Variants in DNM1 observed in about 807,000 individuals in gnomAD.
DNM1 encodes the protein dynamin 1, also known as dynamin-1.
Under a neutral mutation model 104.6 loss-of-function variants are expected in DNM1, and 29 were observed. That is an observed-to-expected ratio of 0.28 (90% confidence interval 0.21 to 0.38). DNM1 has a LOEUF of 0.38. Among genes scored for constraint, DNM1 ranks in the 10% least tolerant of loss-of-function variants. DNM1 has a pLI of 1.00. For missense variants in DNM1, 640 were observed against 1,189.4 expected, an observed-to-expected ratio of 0.54 and a Z score of 6.79; for synonymous variants, 445 against 475.8, an observed-to-expected ratio of 0.94 and a Z score of 0.84.
At chr9:128,215,635 C>A (rs1178218609) in intron 1 of DNM1, among the ~76,000 whole-genome samples, 3 of 152,218 alleles carry the variant, frequency 2.0e-5, no homozygotes, top group Non-Finnish European at 4.4e-5. Context: ...GCCAGCTGGG[C>A]CCTGGGCTCC....
At chr9:128,215,187 G>C (rs1472699494) in intron 1 of DNM1, among the ~76,000 whole-genome samples, 2 of 152,238 alleles carry the variant, frequency 1.3e-5, no homozygotes, top group Non-Finnish European at 2.9e-5. Flanking sequence ...CTGGCACCAG[G>C]CACCAGGCCA....
intron 10 of DNM1, among the ~76,000 whole-genome samples, chr9:128,225,459 G>A (rs74557328): frequency 9.7e-4 from 148 of 152,338 alleles, no homozygotes; most frequent in Non-Finnish European, 1.8e-3. Context: ...CCCCCCTGGA[G>A]TTGTGCAGTG....
chr9:128,208,597 C>G (rs1834108100), intron 1 of DNM1, among the ~76,000 whole-genome samples: 1 of 152,154 alleles, frequency 6.6e-6, no homozygotes, highest in Non-Finnish European at 1.5e-5. Flanking sequence ...TATCGATGAC[C>G]TGGATGGGGC....
At position 128,220,742 on chromosome 9, in the gene DNM1, C is replaced by CGCGCGCGCGCGTGTGTGT. The variant is rs61020870; in HGVS notation, c.849+402_849+403insCGCGCGCGCGTGTGTGTG. ...CAGAACTGAAGTGCGCGCGCGCGCGCGTGTGTGTGTGTGTGTGTGTGTGTG... is the reference window on the plus strand; with the variant it reads ...CAGAACTGAAGTGCGCGCGCGCGCGCGCGCGCGCGCGTGTGTGTGTGTGTGTGTGTGTGTGTGTGTGTG... On this transcript the variant is annotated intron_variant, in intron 6 of 21. Transcript: ENST00000372923. The surrounding 1 kb of genome is among the most constrained non-coding windows in gnomAD (Gnocchi z 5.2). 5.9e-5 allele frequency among the ~76,000 whole-genome samples: 8 copies of CGCGCGCGCGCGTGTGTGT among 136,276 alleles called. No individual in the cohort carries two copies. The highest frequency in any genetic ancestry group is 2.1e-4 in the African/African-American group (8 of 37,718). The allele number at this position is 136,276 out of a possible 152,430, so 89.4% of individuals were successfully genotyped here.
At position 128,203,924 on chromosome 9, in the gene DNM1, A is replaced by C; in HGVS notation, c.161+293A>C. On this transcript the variant is annotated intron_variant, in intron 1 of 21. Coordinates refer to ENST00000372923, the MANE Select transcript of DNM1 (RefSeq NM_004408.4). The surrounding 1 kb of genome is among the most constrained non-coding windows in gnomAD (Gnocchi z 5.3). Reference sequence around the variant, plus strand: ...AACGCTCTGCCAGAAGCCCCGGGCAAAGAGCTGCCCCCCGCCCCCAACATG... The same window carrying C: ...AACGCTCTGCCAGAAGCCCCGGGCACAGAGCTGCCCCCCGCCCCCAACATG... The C allele has an allele frequency of 5.1e-6, 1 of 196,870 alleles. No homozygotes were observed. The highest frequency in any genetic ancestry group is 1.0e-5 in the Non-Finnish European group (1 of 97,908). 12.2% of individuals were successfully genotyped at this position (196,870 alleles called of 1,614,324 possible).
chr9:128,241,249 G>A (rs1016995489), intron 14 of DNM1, among the ~76,000 whole-genome samples: 11 of 152,126 alleles, frequency 7.2e-5, no homozygotes, highest in Non-Finnish European at 1.6e-4. Context: ...GGAGGTCAGC[G>A]TCCAGGAGGG....
chr9:128,225,944 CT>C, intron 10 of DNM1: 1 of 1,235,644 alleles, frequency 8.1e-7, no homozygotes, highest in Non-Finnish European at 1.2e-6. Flanking sequence ...CTCTCCACCC[CT>C]GGATTCCTGT....
At chr9:128,244,963 C>T (rs894750031) in intron 15 of DNM1, 1 of 304,744 alleles carries the variant, frequency 3.3e-6, no homozygotes, top group Non-Finnish European at 7.0e-6. Flanking sequence ...CTCTCTGCTC[C>T]CAACTCCCCT....
rs537613181 is a variant in DNM1 at position 128,248,104 on chromosome 9, G to A, written c.1905+169G>A. The A allele has an allele frequency of 4.2e-5, 36 of 852,786 alleles. No homozygotes were observed. Among genetic ancestry groups the A allele is most frequent in the African/African-American group, 5.0e-5 (3 of 60,100 alleles). The allele number at this position is 852,786 out of a possible 1,614,324, so 52.8% of individuals were successfully genotyped here. A position where few individuals can be genotyped will look rare whatever the true frequency, so the allele number is the denominator to read the frequency against. On this transcript the variant is annotated intron_variant, in intron 18 of 21. Coordinates refer to ENST00000372923, the MANE Select transcript of DNM1 (RefSeq NM_004408.4). The surrounding 1 kb of genome is among the most constrained non-coding windows in gnomAD (Gnocchi z 5.6). Reference sequence around the variant, plus strand: ...AACACTTTGGGAGGCCGAGGTGGGCGGATCACAAGGTCAGGAGTTCGAGAC... The same window carrying A: ...AACACTTTGGGAGGCCGAGGTGGGCAGATCACAAGGTCAGGAGTTCGAGAC...
At chr9:128,233,221 A>G (rs1000641942) in intron 10 of DNM1, among the ~76,000 whole-genome samples, 4 of 152,040 alleles carry the variant, frequency 2.6e-5, no homozygotes, top group African/African-American at 9.7e-5. Flanking sequence ...ACCCCAAAGG[A>G]GTGGGGTCGA....
chr9:128,232,222 G>A (rs562458943), intron 10 of DNM1: 30 of 368,900 alleles, frequency 8.1e-5, no homozygotes, highest in Middle Eastern at 6.6e-4. Flanking sequence ...GGGAGCACTT[G>A]GGACCACCTC....
At chr9:128,246,317 C>T in intron 15 of DNM1, 77 bp from the exon 16 acceptor site, 1 of 1,018,296 alleles carries the variant, frequency 9.8e-7, no homozygotes, top group Non-Finnish European at 1.6e-6. Context: ...CTGGGCCAGT[C>T]AGGGGGACTC....
chr9:128,229,602 A>AAT lies in DNM1; in HGVS notation c.1336-4418_1336-4417insTA, dbSNP rs1391839314. On this transcript the variant is annotated intron_variant, in intron 10 of 21. Transcript: ENST00000372923. ...TGGAAGACAGAGCAAAACCTTATCA[A>AAT]AAAAAAAAAAAAAAAAAAAAAGCTT... Among the ~76,000 whole-genome samples, 93 of 48,312 alleles carry AAT rather than the reference A, an allele frequency of 1.9e-3. 1 individual carries two copies. The highest frequency in any genetic ancestry group is 4.4e-3 in the African/African-American group (93 of 21,156). The allele number at this position is 48,312 out of a possible 152,430, so 31.7% of individuals were successfully genotyped here. A position where few individuals can be genotyped will look rare whatever the true frequency, so the allele number is the denominator to read the frequency against.
chr9:128,209,215 G>A (rs1834149126), intron 1 of DNM1, among the ~76,000 whole-genome samples: 1 of 152,190 alleles, frequency 6.6e-6, no homozygotes, highest in Non-Finnish European at 1.5e-5. Flanking sequence ...ACATGGAAAT[G>A]CACCCATCCA....
At chr9:128,214,198 G>A (rs1384215550) in intron 1 of DNM1, among the ~76,000 whole-genome samples, 1 of 152,196 alleles carries the variant, frequency 6.6e-6, no homozygotes, top group Non-Finnish European at 1.5e-5. Flanking sequence ...GGCTGTGGGA[G>A]TCCAGCCTGT....
intron 21 of DNM1, chr9:128,252,704 T>C (rs1319715728): frequency 1.4e-5 from 7 of 487,486 alleles, no homozygotes; most frequent in Admixed American, 1.2e-4. Flanking sequence ...AGCTGGACTT[T>C]AGCGAGCAAG....
chr9:128,247,059 A>C lies in DNM1; in HGVS notation c.1782-316A>C. The C allele has an allele frequency of 3.8e-6, 1 of 260,474 alleles. No individual in the cohort carries two copies. The highest frequency in any genetic ancestry group is 7.5e-6 in the Non-Finnish European group (1 of 134,052). The allele number at this position is 260,474 out of a possible 1,614,324, so 16.1% of individuals were successfully genotyped here. A position where few individuals can be genotyped will look rare whatever the true frequency, so the allele number is the denominator to read the frequency against. ...GAGGGGTCCTTAGAGAGCCACGGAGAAAGCTGGTGGGATCTGGGCCCCAAG... is the reference window on the plus strand; with the variant it reads ...GAGGGGTCCTTAGAGAGCCACGGAGCAAGCTGGTGGGATCTGGGCCCCAAG... On this transcript the variant is annotated intron_variant, in intron 16 of 21. Coordinates refer to ENST00000372923, the MANE Select transcript of DNM1 (RefSeq NM_004408.4). This position sits in a 1 kb window ranked among gnomAD's most constrained non-coding sequence, Gnocchi z 5.1.
chr9:128,238,444 G>T (rs1287877245), intron 11 of DNM1, among the ~76,000 whole-genome samples: 1 of 151,698 alleles, frequency 6.6e-6, no homozygotes, highest in Non-Finnish European at 1.5e-5. Context: ...GGCTGGTCTC[G>T]AACTCCTGAC....
rs1834903884 is a variant in DNM1 at position 128,220,740 on chromosome 9, C to CATGT, written c.849+399_849+400insATGT. On this transcript the variant is annotated intron_variant, in intron 6 of 21. Transcript: ENST00000372923. The surrounding 1 kb of genome is among the most constrained non-coding windows in gnomAD (Gnocchi z 5.2). Reference sequence around the variant, plus strand: ...TCCAGAACTGAAGTGCGCGCGCGCGCGCGTGTGTGTGTGTGTGTGTGTGTG... The same window carrying CATGT: ...TCCAGAACTGAAGTGCGCGCGCGCGCATGTGCGTGTGTGTGTGTGTGTGTGTGTG... Among the ~76,000 whole-genome samples the CATGT allele has an allele frequency of 8.0e-6, 1 of 125,700 alleles. No homozygotes were observed. Among genetic ancestry groups the CATGT allele is most frequent in the African/African-American group, 2.9e-5 (1 of 34,510 alleles). The allele number at this position is 125,700 out of a possible 152,430, so 82.5% of individuals were successfully genotyped here.
Sources: allele counts gnomAD v4.1 joint callset (sites outside exome capture counted in the v4.1 genomes callset), GRCh38; gene constraint gnomAD v4.1.1; non-coding constraint Gnocchi (gnomAD v3.1); transcripts MANE v1.5; gene names NCBI Gene and HGNC (gene_info 2026-07-23, HGNC 2026-07-21).